Variants in PFKFB3 observed in about 807,000 individuals in gnomAD.
PFKFB3 encodes the protein 6-phosphofructo-2-kinase/fructose-2,6-bisphosphatase 3.
A neutral mutation model predicts 68.0 loss-of-function variants in PFKFB3; 33 were observed. The observed-to-expected ratio is 0.49, with a 90% CI of 0.37 to 0.65. PFKFB3 has a LOEUF of 0.65. Ranked by LOEUF, PFKFB3 falls within the 30% of genes least tolerant of loss-of-function variation. The pLI, the probability that PFKFB3 is intolerant of heterozygous loss-of-function variation, is 0.00. For missense variants in PFKFB3, 586 were observed against 712.2 expected (o/e 0.82, Z 2.02); for synonymous variants, 315 against 288.2 (o/e 1.09, Z -0.94).
chr10:6,305,502 T>A, the PFKFB3 span, among the ~76,000 whole-genome samples: 48 of 152,262 alleles, frequency 3.2e-4, no homozygotes, highest in African/African-American at 1.1e-3. Flanking sequence ...ATTCCTACAT[T>A]TATGAAATTT....
At chr10:6,202,402 C>A (rs1843399887), upstream of PFKFB3, 1 of 152,350 alleles carries the variant, frequency 6.6e-6, no homozygotes, top group Admixed American at 6.5e-5. Context: ...GATGGGCTCA[C>A]GGGTATTATC....
intron 1 of PFKFB3, among the ~76,000 whole-genome samples, chr10:6,206,499 GA>G (rs1205906995): frequency 6.1e-5 from 8 of 132,096 alleles, no homozygotes; most frequent in Non-Finnish European, 1.1e-4. Context: ...TGGCCGGGCA[GA>G]GGGGCTCCTC....
intron 14 of PFKFB3, among the ~76,000 whole-genome samples, chr10:6,252,550 A>G (rs960714697): frequency 1.3e-5 from 2 of 152,246 alleles, no homozygotes; most frequent in African/African-American, 4.8e-5. Context: ...TTTACATAGA[A>G]GAATGAGATA....
intron 1 of PFKFB3, among the ~76,000 whole-genome samples, chr10:6,171,681 C>T (rs1295310161): frequency 6.6e-6 from 1 of 152,244 alleles, no homozygotes; most frequent in African/African-American, 2.4e-5. Context: ...GTGTGAGCCA[C>T]CACTGCTGGC....
chr10:6,203,729 G>T (rs1326327977), intron 1 of PFKFB3, among the ~76,000 whole-genome samples: 1 of 152,098 alleles, frequency 6.6e-6, no homozygotes, highest in African/African-American at 2.4e-5. Context: ...TTCACCGTCC[G>T]GATCTCCTCT....
chr10:6,280,962 C>T, the PFKFB3 span, among the ~76,000 whole-genome samples: 1 of 151,100 alleles, frequency 6.6e-6, no homozygotes, highest in Non-Finnish European at 1.5e-5. Context: ...CCTTCCCACC[C>T]TTTCCCCCTG....
chr10:6,278,550 C>T, the PFKFB3 span, among the ~76,000 whole-genome samples: 2 of 152,212 alleles, frequency 1.3e-5, no homozygotes, highest in Non-Finnish European at 2.9e-5. Context: ...ACTGAGATTA[C>T]AGGCGTGAGC....
intron 14 of PFKFB3, among the ~76,000 whole-genome samples, chr10:6,242,186 T>C (rs1846156290): frequency 6.6e-6 from 1 of 152,220 alleles, no homozygotes; most frequent in South Asian, 2.1e-4. Flanking sequence ...TTTACACTTA[T>C]TTGTAATTCT....
At chr10:6,212,082 C>CTG (rs1844267463) in intron 1 of PFKFB3, among the ~76,000 whole-genome samples, 1 of 152,238 alleles carries the variant, frequency 6.6e-6, no homozygotes. Flanking sequence ...CTGCCTGGTT[C>CTG]TGTGTGCGGC....
At chr10:6,245,319 A>T (rs965845449) in intron 14 of PFKFB3, among the ~76,000 whole-genome samples, 9 of 151,770 alleles carry the variant, frequency 5.9e-5, no homozygotes, top group Non-Finnish European at 1.0e-4. Context: ...CTGGTCTCGA[A>T]CTCCTGACCT....
intron 1 of PFKFB3, among the ~76,000 whole-genome samples, chr10:6,166,138 G>A (rs141192794): frequency 1.8e-3 from 278 of 152,138 alleles, no homozygotes; most frequent in African/African-American, 5.6e-3. Flanking sequence ...CCGCCACCAC[G>A]CCCAGCTAAT....
chr10:6,170,867 T>TA (rs200650322), intron 1 of PFKFB3, among the ~76,000 whole-genome samples: 32 of 147,716 alleles, frequency 2.2e-4, no homozygotes, highest in South Asian at 2.1e-3. Flanking sequence ...GATTAAAGGT[T>TA]AAAAAAAAAA....
chr10:6,320,578 A>G, the PFKFB3 span, among the ~76,000 whole-genome samples: 1 of 152,092 alleles, frequency 6.6e-6, no homozygotes, highest in Admixed American at 6.5e-5. Flanking sequence ...GCACACCATC[A>G]TGCCTGGCTA....
At chr10:6,185,197 C>T (rs1224826744) in intron 1 of PFKFB3, among the ~76,000 whole-genome samples, 1 of 152,204 alleles carries the variant, frequency 6.6e-6, no homozygotes, top group African/African-American at 2.4e-5. Context: ...CAAGGACTCT[C>T]AGCTCTTTCT....
chr10:6,270,146 A>G, the PFKFB3 span, among the ~76,000 whole-genome samples: 1 of 152,126 alleles, frequency 6.6e-6, no homozygotes, highest in Non-Finnish European at 1.5e-5. Flanking sequence ...AAACAAACAA[A>G]CAAAACAAAA....
chr10:6,219,655 A>C lies in PFKFB3; in HGVS notation c.585A>C (p.Glu195Asp), dbSNP rs753259168. The change falls in exon 7 of 15, where the codon GAA (glutamate) becomes GAC (aspartate). Residue 195 changes from glutamate (E) to aspartate (D), a missense_variant. Physicochemically the swap from Glu to Asp is conservative, Grantham distance 45. Transcript: ENST00000379775. Reference protein sequence around the residue: ...DDFMKRISCYEASYQPLDPDK... With the variant: ...DDFMKRISCYDASYQPLDPDK... Reference sequence around the variant, plus strand: ...TCATGAAGAGGATCAGTTGCTATGAAGCCAGCTACCAGCCCCTCGACCCCG... The same window carrying C: ...TCATGAAGAGGATCAGTTGCTATGACGCCAGCTACCAGCCCCTCGACCCCG... 4 of 1,613,940 alleles carry C rather than the reference A, an allele frequency of 2.5e-6. No homozygotes were observed. The South Asian group carries it at 4.4e-5, about 18-fold the overall frequency.
the PFKFB3 span, among the ~76,000 whole-genome samples, chr10:6,281,050 C>T: frequency 6.6e-6 from 1 of 150,692 alleles, no homozygotes; most frequent in Non-Finnish European, 1.5e-5. Context: ...TGAGAACATG[C>T]GATGTTTGGT....
At chr10:6,254,945 G>A (rs996328427), downstream of PFKFB3, among the ~76,000 whole-genome samples, 10 of 148,762 alleles carry the variant, frequency 6.7e-5, no homozygotes, top group African/African-American at 1.5e-4. Flanking sequence ...AGCCTCCCGC[G>A]TAGCTGGGAT....
chr10:6,186,392 T>C (rs1842869538), intron 1 of PFKFB3, among the ~76,000 whole-genome samples: 1 of 152,006 alleles, frequency 6.6e-6, no homozygotes, highest in African/African-American at 2.4e-5. Context: ...AAACTGGGAG[T>C]CTCTGTCTCC....
Sources: allele counts gnomAD v4.1 joint callset (sites outside exome capture counted in the v4.1 genomes callset), GRCh38; gene constraint gnomAD v4.1.1; transcripts MANE v1.5; gene names NCBI Gene and HGNC (gene_info 2026-07-23, HGNC 2026-07-21).